THAP4: variants seen among roughly 807,000 people sequenced by gnomAD.
THAP4 encodes THAP domain containing 4.
A neutral mutation model predicts 48.1 loss-of-function variants in THAP4; 18 were observed. That is an observed-to-expected ratio of 0.37 (90% CI 0.26 to 0.56). The LOEUF (loss-of-function observed/expected upper bound fraction) is 0.56. Among genes scored for constraint, THAP4 ranks in the 20% least tolerant of loss-of-function variants. THAP4 has a pLI of 0.78. For missense variants in THAP4, 656 were observed against 774.9 expected, an observed-to-expected ratio of 0.85 and a Z score of 1.82; for synonymous variants, 345 against 324.9, an observed-to-expected ratio of 1.06 and a Z score of -0.66.
intron 2 of THAP4, among the ~76,000 whole-genome samples, chr2:241,607,597 C>T (rs150532162): frequency 6.6e-6 from 1 of 151,062 alleles, no homozygotes; most frequent in African/African-American, 2.4e-5. Flanking sequence ...AGCTCTGTGG[C>T]CGCACAAGCC....
At chr2:241,636,811 G>A in intron 1 of THAP4, 130 bp downstream of exon 1, 1 of 381,892 alleles carries the variant, frequency 2.6e-6, no homozygotes, top group Non-Finnish European at 3.6e-6. Flanking sequence ...CAGCGCCCAC[G>A]CCCGCTCCCC....
At chr2:241,611,717 C>A (rs1202301037) in intron 2 of THAP4, among the ~76,000 whole-genome samples, 1 of 133,692 alleles carries the variant, frequency 7.5e-6, no homozygotes, top group Non-Finnish European at 1.6e-5. Flanking sequence ...GGGTGAGACT[C>A]TGTCTCCAAA....
chr2:241,616,884 T>C lies in THAP4; in HGVS notation c.1241-10411A>G, dbSNP rs969214852. 6.6e-5 allele frequency among the ~76,000 whole-genome samples: 10 copies of C among 152,078 alleles called. No homozygotes were observed. Among genetic ancestry groups the C allele is most frequent in the Admixed American group, 2.6e-4 (4 of 15,252 alleles). On this transcript the variant is annotated intron_variant, in intron 2 of 5. Transcript: ENST00000407315. This position sits in a 1 kb window ranked among gnomAD's most constrained non-coding sequence, Gnocchi z 4.6. ...GTTTAATTTGGACAGGGACAACAGG[T>C]CAGGCAGTAAACAAGCAGCGGCGGC...
At chr2:241,625,797 C>CAAAAAAAAAAAAAAAAAA (rs147602587) in intron 2 of THAP4, among the ~76,000 whole-genome samples, 17 of 50,160 alleles carry the variant, frequency 3.4e-4, no homozygotes, top group South Asian at 1.1e-3. Flanking sequence ...GACTCCGTCT[C>CAAAAAAAAAAAAAAAAAA]AAAAAAAAAA....
upstream of THAP4, chr2:241,637,192 G>T (rs1357343039): frequency 1.0e-6 from 1 of 986,176 alleles, no homozygotes; most frequent in East Asian, 1.1e-4. Context: ...GCCCGCCCCC[G>T]CCCCAGCCCC....
chr2:241,586,262 G>GAAA (rs11320455), intron 5 of THAP4, among the ~76,000 whole-genome samples: 8 of 83,984 alleles, frequency 9.5e-5, no homozygotes, highest in African/African-American at 9.0e-5. Flanking sequence ...ATCTGAAGAG[G>GAAA]AAAAAAAAAA....
chr2:241,631,281 T>C (rs1470832160), intron 2 of THAP4, among the ~76,000 whole-genome samples: 1 of 152,162 alleles, frequency 6.6e-6, no homozygotes, highest in African/African-American at 2.4e-5. Flanking sequence ...CACTATCATA[T>C]ACTTATTGAC....
intron 2 of THAP4, among the ~76,000 whole-genome samples, chr2:241,631,132 C>A (rs1359283874): frequency 1.3e-5 from 2 of 152,176 alleles, no homozygotes; most frequent in Non-Finnish European, 2.9e-5. Flanking sequence ...TAGATTTGAT[C>A]TGAAAATCTA....
At chr2:241,625,172 G>A (rs572088977) in intron 2 of THAP4, among the ~76,000 whole-genome samples, 1 of 152,014 alleles carries the variant, frequency 6.6e-6, no homozygotes, top group Non-Finnish European at 1.5e-5. Context: ...ACCAAAACAC[G>A]CACACTACAA....
At position 241,590,070 on chromosome 2, in the gene THAP4, G is replaced by A. The variant is rs7609490; in HGVS notation, c.1615-5345C>T. ...GGACACGCAGAGCTGCTCGGCTGAC[G>A]ATGATGGGCACTAGGACACGCAGAG... On this transcript the variant is annotated intron_variant, in intron 5 of 5. Coordinates refer to ENST00000407315, the MANE Select transcript of THAP4 (RefSeq NM_015963.6). Among the ~76,000 whole-genome samples the A allele has an allele frequency of 7.2e-3, 1,089 of 150,668 alleles. 16 individuals carry two copies. The highest frequency in any genetic ancestry group is 0.025 in the African/African-American group (1,015 of 40,624).
At chr2:241,590,332 C>T (rs62192975) in intron 5 of THAP4, among the ~76,000 whole-genome samples, 13,834 of 96,244 alleles carry the variant, frequency 0.14, 252 homozygotes, top group Middle Eastern at 0.28. Context: ...TCAGAGCTGC[C>T]CGGCTGATGA....
chr2:241,635,586 G>A (rs1281605965), intron 1 of THAP4, among the ~76,000 whole-genome samples: 1 of 152,014 alleles, frequency 6.6e-6, no homozygotes, highest in East Asian at 1.9e-4. Flanking sequence ...TGGCCAATAT[G>A]GTGAAACCCT....
intron 2 of THAP4, among the ~76,000 whole-genome samples, chr2:241,625,742 G>A (rs1402949483): frequency 7.6e-6 from 1 of 131,224 alleles, no homozygotes; most frequent in Non-Finnish European, 1.6e-5. Context: ...TTTTTGCAGT[G>A]AGCTGAGATC....
At chr2:241,620,232 GGGGTGAGGAGT>G (rs1430675114) in intron 2 of THAP4, among the ~76,000 whole-genome samples, 1 of 90,856 alleles carries the variant, frequency 1.1e-5, no homozygotes, top group Non-Finnish European at 2.2e-5. Context: ...CGGTGAGTGA[GGGGTGAGGAGT>G]GAGTGAGGAG....
At chr2:241,625,169 C>G (rs1300240452) in intron 2 of THAP4, among the ~76,000 whole-genome samples, 1 of 152,028 alleles carries the variant, frequency 6.6e-6, no homozygotes, top group Non-Finnish European at 1.5e-5. Flanking sequence ...AATACCAAAA[C>G]ACGCACACTA....
At chr2:241,617,269 G>C in intron 2 of THAP4, 1 of 657,358 alleles carries the variant, frequency 1.5e-6, no homozygotes, top group Non-Finnish European at 2.7e-6. Flanking sequence ...AAATAAACCA[G>C]ACAGGCTTTT....
At chr2:241,620,528 T>G (rs1575034672) in intron 2 of THAP4, among the ~76,000 whole-genome samples, 3 of 84,092 alleles carry the variant, frequency 3.6e-5, no homozygotes, top group Admixed American at 1.5e-4. Flanking sequence ...GAGGGGTGAG[T>G]GAGTCGGTGA....
intron 2 of THAP4, among the ~76,000 whole-genome samples, chr2:241,619,978 CG>C (rs1216476921): frequency 3.7e-4 from 14 of 38,064 alleles, no homozygotes; most frequent in Non-Finnish European, 3.4e-4. Context: ...GTGAGTGAGT[CG>C]GTGAGTGAGG....
intron 2 of THAP4, among the ~76,000 whole-genome samples, chr2:241,611,967 A>C (rs1031648117): frequency 2.6e-5 from 4 of 152,174 alleles, no homozygotes; most frequent in African/African-American, 9.6e-5. Flanking sequence ...CAGTGGCATG[A>C]ATACGGTTCA....
Sources: allele counts gnomAD v4.1 joint callset (sites outside exome capture counted in the v4.1 genomes callset), GRCh38; gene constraint gnomAD v4.1.1; non-coding constraint Gnocchi (gnomAD v3.1); transcripts MANE v1.5; gene names NCBI Gene and HGNC (gene_info 2026-07-23, HGNC 2026-07-21).